RECQL: variants seen among roughly 807,000 people sequenced by gnomAD.
RECQL encodes the protein RecQ like helicase.
RECQL carries 73 observed loss-of-function variants against 75.8 expected under a neutral mutation model. The ratio of observed to expected loss-of-function variants is 0.96; its 90% CI spans 0.80 to 1.17. The LOEUF (loss-of-function observed/expected upper bound fraction) is 1.17, where lower values mean the gene tolerates loss of function less well. Among genes scored for constraint, RECQL ranks in the 50% most tolerant of loss-of-function variants. The pLI is 0.00. For missense variants in RECQL, 699 were observed against 772.1 expected, an observed-to-expected ratio of 0.91 and a Z score of 1.12; for synonymous variants, 248 against 254.4, an observed-to-expected ratio of 0.97 and a Z score of 0.24.
At chr12:21,479,600 G>A (rs911058018) in intron 6 of RECQL, among the ~76,000 whole-genome samples, 5 of 152,016 alleles carry the variant, frequency 3.3e-5, no homozygotes, top group African/African-American at 7.2e-5. Flanking sequence ...TGATCCGCCC[G>A]CCTCGGCCTC....
At chr12:21,499,706 C>T (rs76657596) in intron 1 of RECQL, 91 bp from the exon 2 acceptor site, 4 of 648,736 alleles carry the variant, frequency 6.2e-6, no homozygotes, top group Admixed American at 3.1e-5. Flanking sequence ...TTCCTAAGCA[C>T]GGAAAATGTT....
At chr12:21,479,947 CT>C (rs1424685808) in intron 6 of RECQL, among the ~76,000 whole-genome samples, 1 of 152,086 alleles carries the variant, frequency 6.6e-6, no homozygotes, top group Non-Finnish European at 1.5e-5. Context: ...TGTTGAACAC[CT>C]TTTTAATTGT....
chr12:21,476,067 C>G (rs1943082191), intron 8 of RECQL, among the ~76,000 whole-genome samples: 1 of 151,442 alleles, frequency 6.6e-6, no homozygotes, highest in South Asian at 2.1e-4. Flanking sequence ...TCTTTTCTCT[C>G]TTTAACTTTA....
chr12:21,486,930 C>T lies in RECQL; in HGVS notation c.395-345G>A, dbSNP rs113350855. On this transcript the variant is annotated intron_variant, in intron 4 of 14. Coordinates refer to ENST00000444129, the MANE Select transcript of RECQL (RefSeq NM_002907.4). The stretch of plus-strand genomic sequence containing the variant: ...TCAGGCAATCTGCCCACCTTGGCCT[C>T]CCAAAGTGCTAGGATTACAGGCATG... 0.031 allele frequency among the ~76,000 whole-genome samples: 4,656 copies of T among 152,038 alleles called. 197 individuals carry two copies. Among genetic ancestry groups the T allele is most frequent in the African/African-American group, 0.093 (3,872 of 41,436 alleles).
rs568340360 is a variant in RECQL at position 21,469,533 on chromosome 12, G to A, written c.*661C>T. 3.3e-5 allele frequency: 5 copies of A among 150,504 alleles called. No homozygotes were observed. Among genetic ancestry groups the A allele is most frequent in the African/African-American group, 9.8e-5 (4 of 40,972 alleles). 9.3% of individuals were successfully genotyped at this position (150,504 alleles called of 1,614,324 possible). On this transcript the variant is annotated 3_prime_UTR_variant, in exon 15 of 15. Coordinates refer to ENST00000444129, the MANE Select transcript of RECQL (RefSeq NM_002907.4). ...AGTATCACTCAGTGAACCTCTGTCA[G>A]TATAATATTGCTTTCAAAAAGATGG...
At chr12:21,496,002 G>T (rs1028402084) in intron 2 of RECQL, among the ~76,000 whole-genome samples, 3 of 152,166 alleles carry the variant, frequency 2.0e-5, no homozygotes, top group African/African-American at 7.2e-5. Context: ...AAGTAACTAA[G>T]GATTATTATT....
At chr12:21,483,727 G>A (rs756107179) in intron 5 of RECQL, among the ~76,000 whole-genome samples, 153 bp from the exon 6 acceptor site, 10 of 152,088 alleles carry the variant, frequency 6.6e-5, no homozygotes, top group Non-Finnish European at 1.0e-4. Flanking sequence ...CTGAAACCAT[G>A]TCTCAGTACG....
At chr12:21,473,152 C>CAT (rs1049321132) in intron 12 of RECQL, among the ~76,000 whole-genome samples, 2 of 152,092 alleles carry the variant, frequency 1.3e-5, no homozygotes, top group African/African-American at 2.4e-5. Flanking sequence ...TTTTGTGCCA[C>CAT]ATAATATTTT....
chr12:21,479,537 G>A (rs1209943614), intron 6 of RECQL, among the ~76,000 whole-genome samples: 1 of 151,924 alleles, frequency 6.6e-6, no homozygotes, highest in East Asian at 1.9e-4. Context: ...ATTTTTAGTA[G>A]AGACGGGGTT....
intron 7 of RECQL, among the ~76,000 whole-genome samples, chr12:21,477,597 G>A (rs1248318863): frequency 1.3e-5 from 2 of 152,068 alleles, no homozygotes; most frequent in East Asian, 3.9e-4. Context: ...TCACCTAGCA[G>A]GTGTCTTCCA....
intron 5 of RECQL, among the ~76,000 whole-genome samples, chr12:21,484,798 T>G (rs1943258692): frequency 6.6e-6 from 1 of 151,922 alleles, no homozygotes. Context: ...ATATTATACG[T>G]CAAAGCTTGT....
Position 21,469,309 on chromosome 12 carries a change from A to C in RECQL, c.*885T>G, listed in dbSNP as rs1332987997. 2 of 152,754 alleles carry C rather than the reference A, an allele frequency of 1.3e-5. No homozygotes were observed. Among genetic ancestry groups the C allele is most frequent in the Non-Finnish European group, 2.9e-5 (2 of 68,514 alleles). 9.5% of individuals were successfully genotyped at this position (152,754 alleles called of 1,614,324 possible). The stretch of plus-strand genomic sequence containing the variant: ...AGCCCACGGGTCTAATGCAGCCCAG[A>C]ACAGCTTTGAATGCAGCCCAACACA... On this transcript the variant is annotated 3_prime_UTR_variant, in exon 15 of 15. Transcript: ENST00000444129.
intron 2 of RECQL, among the ~76,000 whole-genome samples, chr12:21,492,668 G>T (rs1168690290): frequency 6.6e-6 from 1 of 152,238 alleles, no homozygotes; most frequent in Admixed American, 6.5e-5. Flanking sequence ...GGGATGGTTG[G>T]CCTATGGCCA....
rs1943384527 is a variant in RECQL at position 21,490,269 on chromosome 12, C to T, written c.324G>A (p.Glu108=). The T allele has an allele frequency of 6.2e-7, 1 of 1,612,976 alleles. No individual in the cohort carries two copies. Among genetic ancestry groups the T allele is most frequent in the Non-Finnish European group, 8.5e-7 (1 of 1,179,202 alleles). ...ETINVTMAGK[E]VFLVMPTGGG... ...CTCCTGTAGGCATAACAAGAAATAC[C>T]TCCTTTCCAGCCATTGTTACGTTAA... Residue 108 remains glutamate (E), a synonymous_variant, in exon 4 of 15, where the codon GAG becomes GAA. Coordinates refer to ENST00000444129, the MANE Select transcript of RECQL (RefSeq NM_002907.4).
At chr12:21,472,382 T>A (rs551956266) in intron 12 of RECQL, among the ~76,000 whole-genome samples, 1 of 152,166 alleles carries the variant, frequency 6.6e-6, no homozygotes, top group Admixed American at 6.5e-5. Flanking sequence ...AGCAAGTTTA[T>A]TAGCAATAGA....
intron 3 of RECQL, among the ~76,000 whole-genome samples, chr12:21,490,851 C>T (rs1325725396): frequency 1.3e-5 from 2 of 151,764 alleles, no homozygotes; most frequent in Non-Finnish European, 2.9e-5. Context: ...AAGACCCTAT[C>T]TCAAAAACAA....
At chr12:21,473,867 C>G (rs747904647) in intron 11 of RECQL, among the ~76,000 whole-genome samples, 2 of 152,042 alleles carry the variant, frequency 1.3e-5, no homozygotes, top group Admixed American at 6.6e-5. Context: ...AGGTTCTTCT[C>G]ACATCACACA....
intron 2 of RECQL, 123 bp downstream of exon 2, chr12:21,499,432 C>A: frequency 1.1e-6 from 1 of 895,066 alleles, no homozygotes; most frequent in Non-Finnish European, 1.7e-6. Flanking sequence ...GTGTATTTTA[C>A]TTCAATAAAA....
chr12:21,488,308 T>C (rs1943344348), intron 4 of RECQL, among the ~76,000 whole-genome samples: 1 of 152,216 alleles, frequency 6.6e-6, no homozygotes, highest in Admixed American at 6.5e-5. Flanking sequence ...TTATCCTATA[T>C]GTTGCTACTC....
Sources: allele counts gnomAD v4.1 joint callset (sites outside exome capture counted in the v4.1 genomes callset), GRCh38; gene constraint gnomAD v4.1.1; transcripts MANE v1.5; gene names NCBI Gene and HGNC (gene_info 2026-07-23, HGNC 2026-07-21).